The following CARS2 variants were observed in gnomAD, a reference collection of about 807,000 sequenced individuals.
The protein encoded by CARS2 is cysteinyl-tRNA synthetase 2, mitochondrial, also known as probable cysteine--tRNA ligase, mitochondrial.
A neutral mutation model predicts 68.8 loss-of-function variants in CARS2; 52 were observed. The observed-to-expected ratio is 0.76, with a 90% CI of 0.61 to 0.95. The LOEUF is 0.95. CARS2 is among the 40% of genes least tolerant of loss of function. The pLI, the probability that CARS2 is intolerant of heterozygous loss-of-function variation, is 0.00. For synonymous variants in CARS2, 314 were observed against 303.6 expected, an observed-to-expected ratio of 1.03 and a Z score of -0.36; for missense variants, 780 against 754.2, an observed-to-expected ratio of 1.03 and a Z score of -0.40.
At position 110,676,505 on chromosome 13, in the gene CARS2, G is replaced by A. The variant is rs1240775797; in HGVS notation, c.785+469C>T. On this transcript the variant is annotated intron_variant, in intron 7 of 14. Coordinates refer to ENST00000257347, the MANE Select transcript of CARS2 (RefSeq NM_024537.4). The surrounding 1 kb of genome is among the most constrained non-coding windows in gnomAD (Gnocchi z 4.0). ...TTGGTGACAGAGGACCCACATGAGGGTGGCTGGGGGACTCCAGGAAGATCT... is the reference window on the plus strand; with the variant it reads ...TTGGTGACAGAGGACCCACATGAGGATGGCTGGGGGACTCCAGGAAGATCT... 6.6e-6 allele frequency among the ~76,000 whole-genome samples: 1 copy of A among 152,160 alleles called. No individual in the cohort carries two copies. The highest frequency in any genetic ancestry group is 1.5e-5 in the Non-Finnish European group (1 of 68,016).
chr13:110,648,583 G>A (rs2062111472), intron 10 of CARS2: 1 of 152,294 alleles, frequency 6.6e-6, no homozygotes, highest in African/African-American at 2.4e-5. Flanking sequence ...TGGAAGCTCA[G>A]ACAGCAAGCG....
In CARS2 at chr13:110,705,568, A is replaced by G. The variant is rs372279480; in HGVS notation, c.228T>C (p.Tyr76=). 6.8e-6 allele frequency: 11 copies of G among 1,612,762 alleles called. No individual in the cohort carries two copies. The highest frequency in any genetic ancestry group is 9.3e-6 in the Non-Finnish European group (11 of 1,178,804). Residue 76 remains tyrosine (Y), a synonymous_variant, in exon 2 of 15, where the codon TAT becomes TAC. Coordinates refer to ENST00000257347, the MANE Select transcript of CARS2 (RefSeq NM_024537.4). The surrounding 1 kb of genome is among the most constrained non-coding windows in gnomAD (Gnocchi z 4.0). ...GATCATATACAGTTGGTCCACAGCT[A>G]TACCTGGAAACAAAGTTAAAATCCA... ...IVAHAEAASW[Y]SCGPTVYDHA...
intron 1 of CARS2, chr13:110,712,586 C>T (rs1284823032): frequency 1.0e-5 from 4 of 393,568 alleles, no homozygotes; most frequent in Non-Finnish European, 1.9e-5. Flanking sequence ...GCGTGGCGTC[C>T]AGGCTTCTCA....
At chr13:110,671,634 G>T (rs1196145664) in intron 7 of CARS2, among the ~76,000 whole-genome samples, 1 of 152,168 alleles carries the variant, frequency 6.6e-6, no homozygotes, top group African/African-American at 2.4e-5. Context: ...AGACCGTCAA[G>T]GCTAGGAAGA....
Position 110,677,123 on chromosome 13 carries a change from C to A in CARS2, c.656-20G>T, listed in dbSNP as rs578236157. On this transcript the variant is annotated intron_variant, in intron 6 of 14. Coordinates refer to ENST00000257347, the MANE Select transcript of CARS2 (RefSeq NM_024537.4). ...AGTCCGCTGCAGATGACAAACGGTACATCAGTGGGAAGAAGCTCAGTCACC... is the reference window on the plus strand; with the variant it reads ...AGTCCGCTGCAGATGACAAACGGTAAATCAGTGGGAAGAAGCTCAGTCACC... 1 of 1,586,366 alleles carries A rather than the reference C, an allele frequency of 6.3e-7. No individual in the cohort carries two copies. Among genetic ancestry groups the A allele is most frequent in the Admixed American group, 1.7e-5 (1 of 58,242 alleles).
intron 6 of CARS2, among the ~76,000 whole-genome samples, chr13:110,682,422 T>C (rs940430637): frequency 4.6e-5 from 7 of 152,146 alleles, no homozygotes; most frequent in African/African-American, 1.7e-4. Context: ...GTGCTATGGA[T>C]GGTTAGGATT....
chr13:110,656,812 A>AGGT lies in CARS2; in HGVS notation c.988-5713_988-5712insACC, dbSNP rs1369009211. On this transcript the variant is annotated intron_variant, in intron 9 of 14. Coordinates refer to ENST00000257347, the MANE Select transcript of CARS2 (RefSeq NM_024537.4). ...GGCAGGAGAATGGCGTGAACCCGGA[A>AGGT]GGCGGAGCTTGCAGTGAGCCAAGAT... Among the ~76,000 whole-genome samples, 35 of 151,940 alleles carry AGGT rather than the reference A, an allele frequency of 2.3e-4. 1 individual carries two copies. The highest frequency in any genetic ancestry group is 2.3e-3 in the Admixed American group (35 of 15,256).
In CARS2 at chr13:110,705,773, C is replaced by T. The variant is rs1328302913; in HGVS notation, c.224+97G>A. The T allele has an allele frequency of 6.5e-7, 1 of 1,530,806 alleles. No homozygotes were observed. Among genetic ancestry groups the T allele is most frequent in the Non-Finnish European group, 8.8e-7 (1 of 1,142,426 alleles). 94.8% of individuals were successfully genotyped at this position (1,530,806 alleles called of 1,614,324 possible). A position where few individuals can be genotyped will look rare whatever the true frequency, so the allele number is the denominator to read the frequency against. On this transcript the variant is annotated intron_variant, in intron 1 of 14. Coordinates refer to ENST00000257347, the MANE Select transcript of CARS2 (RefSeq NM_024537.4). This position sits in a 1 kb window ranked among gnomAD's most constrained non-coding sequence, Gnocchi z 4.0. Reference sequence around the variant, plus strand: ...TTCTAGAACGGCGCCCTCCATGCAGCTTCCTAAACGCCCTCCCCGAGCCCA... The same window carrying T: ...TTCTAGAACGGCGCCCTCCATGCAGTTTCCTAAACGCCCTCCCCGAGCCCA...
chr13:110,667,396 G>A lies in CARS2; in HGVS notation c.863C>T (p.Ala288Val). 2 of 1,613,708 alleles carry A rather than the reference G, an allele frequency of 1.2e-6. No homozygotes were observed. The highest frequency in any genetic ancestry group is 1.7e-6 in the Non-Finnish European group (2 of 1,179,654). ...GCACTGATGAAAGACTTCGCACTGT[G>A]CAATTTCGTTTTCATGATGTGGAAA... ...LAFPHHENEI[A>V]QCEVFHQCEQ... is the part of the protein sequence containing the mutation. Residue 288 changes from alanine to valine, a missense_variant, in exon 8 of 15, where the codon GCA (alanine) becomes GTA (valine). By Grantham distance (64) the Ala-to-Val change is moderately conservative. Coordinates refer to ENST00000257347, the MANE Select transcript of CARS2 (RefSeq NM_024537.4).
chr13:110,693,482 C>T (rs974296403), intron 3 of CARS2, among the ~76,000 whole-genome samples: 1 of 152,102 alleles, frequency 6.6e-6, no homozygotes, highest in Non-Finnish European at 1.5e-5. Context: ...GCCTCAGCCT[C>T]CCGAGTAGCT....
In CARS2 at chr13:110,666,540, G is replaced by A. The variant is rs187788012; in HGVS notation, c.919+800C>T. 1.1e-4 allele frequency: 104 copies of A among 985,364 alleles called. 1 individual carries two copies. The African/African-American group carries it at 1.6e-3, about 15-fold the overall frequency. 61.0% of individuals were successfully genotyped at this position (985,364 alleles called of 1,614,324 possible). ...AGGACATGCTGCAGGAAGTGACTTC[G>A]GGGCAATCAGCCTCATGTACTTTCA... On this transcript the variant is annotated intron_variant, in intron 8 of 14. Transcript: ENST00000257347.
intron 9 of CARS2, among the ~76,000 whole-genome samples, chr13:110,654,242 G>A (rs1424478626): frequency 1.3e-5 from 2 of 152,208 alleles, no homozygotes; most frequent in Non-Finnish European, 2.9e-5. Context: ...GCCCTAGCTT[G>A]CTTTGAGACG....
intron 9 of CARS2, among the ~76,000 whole-genome samples, chr13:110,659,422 C>G (rs774445379): frequency 3.3e-5 from 5 of 152,172 alleles, no homozygotes; most frequent in Non-Finnish European, 7.3e-5. Context: ...ACAAATTTTA[C>G]TCAACAATCC....
At chr13:110,655,270 G>A (rs1021178470) in intron 9 of CARS2, among the ~76,000 whole-genome samples, 1 of 152,144 alleles carries the variant, frequency 6.6e-6, no homozygotes, top group African/African-American at 2.4e-5. Flanking sequence ...TAAAATCACG[G>A]TGCCTCCCTG....
intron 11 of CARS2, 38 bp from the exon 12 acceptor site, chr13:110,646,128 C>A: frequency 6.3e-7 from 1 of 1,594,580 alleles, no homozygotes; most frequent in South Asian, 1.1e-5. Flanking sequence ...GCAGAGGGAG[C>A]TCCACTCTCC....
rs1395968546 is a variant in CARS2 at position 110,665,272 on chromosome 13, C to G, written c.920-1754G>C. Reference sequence around the variant, plus strand: ...CCCAGCCTGGCCAACATGGTGAAACCCTGCTTCTACTAAAAATACAAAAAT... The same window carrying G: ...CCCAGCCTGGCCAACATGGTGAAACGCTGCTTCTACTAAAAATACAAAAAT... On this transcript the variant is annotated intron_variant, in intron 8 of 14. Coordinates refer to ENST00000257347, the MANE Select transcript of CARS2 (RefSeq NM_024537.4). This position sits in a 1 kb window ranked among gnomAD's most constrained non-coding sequence, Gnocchi z 4.3. 5 of 691,716 alleles carry G rather than the reference C, an allele frequency of 7.2e-6. No homozygotes were observed. The African/African-American group carries it at 7.8e-5, about 11-fold the overall frequency. 42.8% of individuals were successfully genotyped at this position (691,716 alleles called of 1,614,324 possible).
At chr13:110,687,418 C>T (rs1412935671) in intron 5 of CARS2, among the ~76,000 whole-genome samples, 1 of 152,118 alleles carries the variant, frequency 6.6e-6, no homozygotes, top group Non-Finnish European at 1.5e-5. Context: ...GCCTGTAATC[C>T]CAGCACTTTG....
upstream of CARS2, among the ~76,000 whole-genome samples, chr13:110,708,157 G>GT (rs1385930308): frequency 7.1e-6 from 1 of 141,610 alleles, no homozygotes; most frequent in Non-Finnish European, 1.6e-5. Flanking sequence ...GGTTTTGTTT[G>GT]TTTTGTTTTG....
At chr13:110,711,950 CAA>C (rs946889504) in intron 1 of CARS2, among the ~76,000 whole-genome samples, 2 of 152,202 alleles carry the variant, frequency 1.3e-5, no homozygotes, top group African/African-American at 4.8e-5. Flanking sequence ...TTAAAAAATC[CAA>C]AGAGTTTTAG....
Sources: gnomAD v4.1 joint callset for allele counts (sites outside exome capture counted in the v4.1 genomes callset) on GRCh38, gnomAD v4.1.1 for gene constraint, Gnocchi (gnomAD v3.1) non-coding constraint, MANE v1.5 for transcripts, NCBI Gene and HGNC (gene_info 2026-07-23, HGNC 2026-07-21) for gene names.